The following KIR2DL4 variants were observed in gnomAD, a reference collection of about 807,000 sequenced individuals.
The protein encoded by KIR2DL4 is killer cell immunoglobulin-like receptor 2DL4.
In KIR2DL4, 41 loss-of-function variants were observed where a neutral mutation model predicts 31.0. That is an observed-to-expected ratio of 1.32 (90% confidence interval 1.03 to 1.72). The LOEUF is 1.72. Ranked by LOEUF, KIR2DL4 falls within the 40% of genes most tolerant of loss-of-function variation. The probability of loss-of-function intolerance (pLI) is 0.00; values close to 1 mark genes in which losing one functional copy is unlikely to be tolerated. For missense variants in KIR2DL4, 438 were observed against 353.7 expected, an observed-to-expected ratio of 1.24 and a Z score of -1.91; for synonymous variants, 164 against 133.6, an observed-to-expected ratio of 1.23 and a Z score of -1.57.
intron 4 of KIR2DL4, among the ~76,000 whole-genome samples, chr19:54,808,118 C>T (rs2060635550): frequency 6.6e-6 from 1 of 150,414 alleles, no homozygotes; most frequent in Non-Finnish European, 1.5e-5. Flanking sequence ...GCATAGTTTG[C>T]AAATATTTGC....
In KIR2DL4 at chr19:54,814,023, G is replaced by C. The variant is rs376904108; in HGVS notation, c.*223G>C. The C allele has an allele frequency of 2.9e-5, 47 of 1,612,352 alleles. No homozygotes were observed. The African/African-American group carries it at 3.1e-4, about 11-fold the overall frequency. On this transcript the variant is annotated 3_prime_UTR_variant, in exon 8 of 8. Transcript: ENST00000359085. ...TTGTCTCCTGCCCATGAGCACCACA[G>C]TCAGGCCTTGATGGGATCTTCTAGG...
chr19:54,806,232 G>A, exon 4 of KIR2DL4: 2 of 1,610,064 alleles, frequency 1.2e-6, no homozygotes, highest in Non-Finnish European at 1.7e-6. Context: ...CCCACTGCCT[G>A]TTTCTGTCAC....
At chr19:54,808,720 C>T (rs879070632) in intron 4 of KIR2DL4, 113 bp from the exon 5 acceptor site, 2 of 835,526 alleles carry the variant, frequency 2.4e-6, no homozygotes, top group Non-Finnish European at 2.1e-6. Context: ...CCAGGACTCC[C>T]AGGGCCCAAC....
At chr19:54,810,000 G>T (rs1179341710) in intron 5 of KIR2DL4, among the ~76,000 whole-genome samples, 1 of 149,808 alleles carries the variant, frequency 6.7e-6, no homozygotes, top group Non-Finnish European at 1.5e-5. Flanking sequence ...GGTGCATTTG[G>T]CCTCTGCTCT....
chr19:54,805,255 A>G lies in KIR2DL4; in HGVS notation c.361+178A>G, dbSNP rs755023073. Among the ~76,000 whole-genome samples, 532 of 151,404 alleles carry G rather than the reference A, an allele frequency of 3.5e-3. 8 individuals carry two copies. Among genetic ancestry groups the G allele is most frequent in the Non-Finnish European group, 5.6e-3 (377 of 67,920 alleles). On this transcript the variant is annotated intron_variant, in intron 3 of 7. Transcript: ENST00000359085. ...AGAATAACTGTCCCCATCGATGGCC[A>G]CATTGTAATCCTTGGAGCCTGTGAC...
exon 8 of KIR2DL4, chr19:54,814,223 C>A (rs2061075993): frequency 1.6e-6 from 2 of 1,233,074 alleles, no homozygotes; most frequent in Non-Finnish European, 2.3e-6. Context: ...AGAAAACACA[C>A]TCCTTTGCTT....
rs1267793492 is a variant in KIR2DL4, at chr19:54,809,742, C to T, written c.706+859C>T. 2.0e-5 allele frequency among the ~76,000 whole-genome samples: 3 copies of T among 151,544 alleles called. No homozygotes were observed. In the East Asian group the frequency reaches 5.8e-4, roughly 29 times the overall value. On this transcript the variant is annotated intron_variant, in intron 5 of 7. Coordinates refer to ENST00000359085, the Ensembl canonical transcript of KIR2DL4. ...CACACCTCTTTCTCTGAATGCTGCT[C>T]TGCCTTCTTCCTCATCTTTTAAGGA... is the stretch of plus-strand genomic sequence containing the variant.
At chr19:54,808,527 C>T (rs796849192) in intron 4 of KIR2DL4, among the ~76,000 whole-genome samples, 3 of 149,552 alleles carry the variant, frequency 2.0e-5, no homozygotes, top group Non-Finnish European at 4.4e-5. Flanking sequence ...GGATTACATC[C>T]GTGTTCTTCA....
chr19:54,811,259 G>A (rs2060850280), intron 5 of KIR2DL4, among the ~76,000 whole-genome samples: 1 of 150,738 alleles, frequency 6.6e-6, no homozygotes, highest in Non-Finnish European at 1.5e-5. Context: ...CTAGCTGGGG[G>A]TGGTGGCGCG....
In KIR2DL4 at chr19:54,806,114, TG is replaced by T; in HGVS notation, c.527del (p.Gly176GlufsTer69). 2 of 1,612,110 alleles carry T rather than the reference TG, an allele frequency of 1.2e-6. 1 individual carries two copies. Among genetic ancestry groups the T allele is most frequent in the Non-Finnish European group, 1.7e-6 (2 of 1,179,660 alleles). On this transcript the variant is annotated frameshift_variant, in exon 4 of 8. Transcript: ENST00000359085. LOFTEE classifies it high-confidence loss of function. The stretch of plus-strand genomic sequence containing the variant: ...GGCTCCCTGCAGTGCCCAGCATCAA[TG>T]GAACATTCCAGGCCGACTTCCCTCT...
At chr19:54,806,784 G>T (rs1044706382) in intron 4 of KIR2DL4, among the ~76,000 whole-genome samples, 7 of 150,320 alleles carry the variant, frequency 4.7e-5, no homozygotes. Context: ...AAGGCAGGTG[G>T]ATCATTTAAA....
intron 6 of KIR2DL4, chr19:54,813,244 C>A: frequency 6.3e-7 from 1 of 1,594,404 alleles, no homozygotes. Flanking sequence ...CCTCACGAAG[C>A]AGAGGCCAGA....
At chr19:54,810,189 G>A (rs1234834501) in intron 5 of KIR2DL4, among the ~76,000 whole-genome samples, 8 of 150,182 alleles carry the variant, frequency 5.3e-5, no homozygotes, top group Admixed American at 5.3e-4. Context: ...CGGGATCTCG[G>A]CTCACCGCAA....
At chr19:54,805,540 T>C (rs1489372144) in intron 3 of KIR2DL4, among the ~76,000 whole-genome samples, 1 of 151,050 alleles carries the variant, frequency 6.6e-6, no homozygotes, top group Non-Finnish European at 1.5e-5. Context: ...TTCTCCCGAG[T>C]CTCCAGAGGG....
At chr19:54,812,016 T>G (rs1177657436) in intron 5 of KIR2DL4, among the ~76,000 whole-genome samples, 1 of 151,336 alleles carries the variant, frequency 6.6e-6, no homozygotes, top group African/African-American at 2.4e-5. Context: ...TTTCCTTTTC[T>G]TGGAGAATGT....
intron 5 of KIR2DL4, among the ~76,000 whole-genome samples, chr19:54,810,859 A>T (rs969679405): frequency 6.6e-6 from 1 of 151,372 alleles, no homozygotes; most frequent in African/African-American, 2.4e-5. Flanking sequence ...GGAAAAGGCA[A>T]TTCCCGCCCC....
Position 54,813,612 on chromosome 19 carries a change from T to C in KIR2DL4, c.811-78T>C, listed in dbSNP as rs1371660533. The C allele has an allele frequency of 3.5e-6, 5 of 1,448,932 alleles. No individual in the cohort carries two copies. In the African/African-American group the frequency reaches 5.7e-5, roughly 17 times the overall value. The allele number at this position is 1,448,932 out of a possible 1,614,324, so 89.8% of individuals were successfully genotyped here. A position where few individuals can be genotyped will look rare whatever the true frequency, so the allele number is the denominator to read the frequency against. On this transcript the variant is annotated intron_variant, in intron 6 of 7. Transcript: ENST00000359085. The stretch of plus-strand genomic sequence containing the variant: ...ACCTCAGGCACCTATGGCCTCCCCC[T>C]GTGTGTTGGTATCTGTTCATGAAAT...
intron 5 of KIR2DL4, among the ~76,000 whole-genome samples, chr19:54,810,127 T>G (rs1441332201): frequency 9.0e-6 from 1 of 111,212 alleles, no homozygotes; most frequent in Admixed American, 8.5e-5. Flanking sequence ...GATTGATTGG[T>G]TGTTTTTATG....
chr19:54,811,533 G>A (rs1356904665), intron 5 of KIR2DL4, among the ~76,000 whole-genome samples: 1 of 150,718 alleles, frequency 6.6e-6, no homozygotes, highest in East Asian at 1.9e-4. Context: ...AGAAAATCAG[G>A]CGAAAACATC....
Sources: allele counts gnomAD v4.1 joint callset (sites outside exome capture counted in the v4.1 genomes callset), GRCh38; gene constraint gnomAD v4.1.1; transcripts MANE v1.5; gene names NCBI Gene and HGNC (gene_info 2026-07-23, HGNC 2026-07-21).